CHN2: variants seen among roughly 807,000 people sequenced by gnomAD.
CHN2 encodes the protein chimerin 2.
A neutral mutation model predicts 56.3 loss-of-function variants in CHN2; 35 were observed. That is an observed-to-expected ratio of 0.62 (90% confidence interval 0.47 to 0.82). The LOEUF is 0.82. CHN2 is among the 40% of genes least tolerant of loss of function. The pLI, the probability that CHN2 is intolerant of heterozygous loss-of-function variation, is 0.00. For synonymous variants in CHN2, 210 were observed against 212.8 expected, an observed-to-expected ratio of 0.99 and a Z score of 0.12; for missense variants, 491 against 580.5, an observed-to-expected ratio of 0.85 and a Z score of 1.58.
intron 1 of CHN2, among the ~76,000 whole-genome samples, chr7:29,268,283 AACACACACACACACACACAC>A (rs145638795): frequency 7.5e-6 from 1 of 134,168 alleles, no homozygotes; most frequent in Non-Finnish European, 1.6e-5. Context: ...GCTTCACCAG[AACACACACACACACACACAC>A]ACACACACAC....
At chr7:29,376,918 TCTC>T (rs200137041) in intron 3 of CHN2, among the ~76,000 whole-genome samples, 1,835 of 152,318 alleles carry the variant, frequency 0.012, 38 homozygotes, top group African/African-American at 0.041. Flanking sequence ...TTAAGCCTGA[TCTC>T]CTCCCTCTAC....
At position 29,252,579 on chromosome 7, in the gene CHN2, T is replaced by TTTTTGTTTTTG. The variant is rs1562866406; in HGVS notation, c.49+57593_49+57594insGTTTTTGTTTT. ...TGTTTGTCTAAAATTGCATTCTTTG[T>TTTTTGTTTTTG]TTTTTTTTTTTTTTTTTTTTTTTTT... is the stretch of plus-strand genomic sequence containing the variant. On this transcript the variant is annotated intron_variant, in intron 1 of 12. Coordinates refer to ENST00000222792, the MANE Select transcript of CHN2 (RefSeq NM_004067.4). Among the ~76,000 whole-genome samples, 25 of 10,288 alleles carry TTTTTGTTTTTG rather than the reference T, an allele frequency of 2.4e-3. 5 individuals are homozygous for TTTTTGTTTTTG. In the African/African-American group the frequency reaches 0.038, roughly 16 times the overall value. The allele number at this position is 10,288 out of a possible 152,430, so 6.7% of individuals were successfully genotyped here.
intron 6 of CHN2, among the ~76,000 whole-genome samples, chr7:29,473,473 T>TG (rs1399242827): frequency 9.3e-6 from 1 of 108,078 alleles, no homozygotes; most frequent in Non-Finnish European, 1.9e-5. Context: ...TGTTTGTGTT[T>TG]TTTTTTTTTT....
chr7:29,267,607 G>A (rs1356164057), intron 1 of CHN2, among the ~76,000 whole-genome samples: 2 of 152,178 alleles, frequency 1.3e-5, no homozygotes, highest in African/African-American at 2.4e-5. Context: ...CCACAGAGAA[G>A]AGTTTGATGG....
At chr7:29,290,345 G>A (rs1250032618) in intron 1 of CHN2, among the ~76,000 whole-genome samples, 4 of 152,164 alleles carry the variant, frequency 2.6e-5, no homozygotes, top group East Asian at 1.9e-4. Context: ...TGTGTTTATC[G>A]CTCTGTTCCT....
intron 6 of CHN2, among the ~76,000 whole-genome samples, chr7:29,434,834 G>A (rs1175648222): frequency 6.6e-6 from 1 of 152,202 alleles, no homozygotes; most frequent in Admixed American, 6.5e-5. Context: ...TCTCATGCCT[G>A]TAATCCTAGC....
rs1186098846 is a variant in CHN2 at position 29,273,382 on chromosome 7, T to C, written c.49+78392T>C. Among the ~76,000 whole-genome samples the C allele has an allele frequency of 2.7e-3, 160 of 58,846 alleles. 1 individual carries two copies. The highest frequency in any genetic ancestry group is 0.013 in the African/African-American group (157 of 12,140). The allele number at this position is 58,846 out of a possible 152,430, so 38.6% of individuals were successfully genotyped here. A position where few individuals can be genotyped will look rare whatever the true frequency, so the allele number is the denominator to read the frequency against. Reference sequence around the variant, plus strand: ...ATATATATATATATATATATATATATATATATACACACACCACATTTTCTT... The same window carrying C: ...ATATATATATATATATATATATATACATATATACACACACCACATTTTCTT... On this transcript the variant is annotated intron_variant, in intron 1 of 12. Transcript: ENST00000222792.
intron 1 of CHN2, among the ~76,000 whole-genome samples, chr7:29,216,948 G>A (rs1785388686): frequency 6.6e-6 from 1 of 152,194 alleles, no homozygotes; most frequent in South Asian, 2.1e-4. Context: ...TTTTACAGGA[G>A]CACGGCTTTT....
At chr7:29,274,432 T>A (rs921878975) in intron 1 of CHN2, among the ~76,000 whole-genome samples, 1 of 152,256 alleles carries the variant, frequency 6.6e-6, no homozygotes, top group Non-Finnish European at 1.5e-5. Context: ...TTAAATCTGC[T>A]TCTTTACTCA....
intron 6 of CHN2, among the ~76,000 whole-genome samples, chr7:29,415,499 A>G (rs10951222): frequency 0.15 from 22,588 of 152,048 alleles, 2,489 homozygotes; most frequent in African/African-American, 0.31. Context: ...GAGTCCTAAA[A>G]ACAAAAACAA....
intron 1 of CHN2, among the ~76,000 whole-genome samples, chr7:29,285,589 T>A (rs1250097879): frequency 6.6e-6 from 1 of 152,150 alleles, no homozygotes; most frequent in Non-Finnish European, 1.5e-5. Flanking sequence ...TGCTGACTCA[T>A]ACCACACGCA....
At chr7:29,347,270 C>A (rs1797521309) in intron 1 of CHN2, among the ~76,000 whole-genome samples, 2 of 152,144 alleles carry the variant, frequency 1.3e-5, no homozygotes, top group South Asian at 4.2e-4. Flanking sequence ...AATACAGAGA[C>A]CCTTCACCCA....
rs568034665 is a variant in CHN2 at position 29,384,378 on chromosome 7, G to A, written c.145-9301G>A. Among the ~76,000 whole-genome samples the A allele has an allele frequency of 2.6e-5, 4 of 152,230 alleles. No homozygotes were observed. In the South Asian group the frequency reaches 8.3e-4, roughly 32 times the overall value. ...CTCCCTGCCTCTGCATGATCTTCAA[G>A]TAATGTTAACCATACAGGCCTTCTT... is the stretch of plus-strand genomic sequence containing the variant. On this transcript the variant is annotated intron_variant, in intron 3 of 12. Coordinates refer to ENST00000222792, the MANE Select transcript of CHN2 (RefSeq NM_004067.4).
intron 1 of CHN2, among the ~76,000 whole-genome samples, chr7:29,196,126 A>G (rs1312479640): frequency 6.6e-6 from 1 of 152,186 alleles, no homozygotes; most frequent in East Asian, 1.9e-4. Flanking sequence ...TTTTGGAGGC[A>G]TTGGATAGCA....
intron 1 of CHN2, among the ~76,000 whole-genome samples, chr7:29,273,251 A>G (rs1440236336): frequency 6.7e-6 from 1 of 148,620 alleles, no homozygotes; most frequent in Non-Finnish European, 1.5e-5. Context: ...ACTGTACATA[A>G]TGTCTTCTTG....
intron 1 of CHN2, among the ~76,000 whole-genome samples, chr7:29,210,431 A>T (rs1319413280): frequency 2.6e-5 from 4 of 151,896 alleles, no homozygotes; most frequent in Non-Finnish European, 4.4e-5. Context: ...CACACACCCC[A>T]CACACACACC....
At chr7:29,400,157 C>T (rs10248000) in intron 5 of CHN2, 46,952 of 221,740 alleles carry the variant, frequency 0.21, 5,293 homozygotes, top group South Asian at 0.33. Flanking sequence ...AGTAAGTTTA[C>T]AGGTAACATA....
chr7:29,259,312 C>T (rs1236353558), intron 1 of CHN2, among the ~76,000 whole-genome samples: 1 of 138,540 alleles, frequency 7.2e-6, no homozygotes, highest in Non-Finnish European at 1.5e-5. Context: ...GGGTGACGGA[C>T]TGAGACCTTG....
intron 1 of CHN2, among the ~76,000 whole-genome samples, chr7:29,258,384 A>G (rs1170130064): frequency 1.3e-5 from 2 of 152,178 alleles, no homozygotes; most frequent in South Asian, 2.1e-4. Context: ...AGTCTACACA[A>G]TATTTTGTTT....
Sources: gnomAD v4.1 joint callset for allele counts (sites outside exome capture counted in the v4.1 genomes callset) on GRCh38, gnomAD v4.1.1 for gene constraint, MANE v1.5 for transcripts, NCBI Gene and HGNC (gene_info 2026-07-23, HGNC 2026-07-21) for gene names.